Variants in RTTN observed in about 807,000 individuals in gnomAD.
The protein encoded by RTTN is rotatin.
A neutral mutation model predicts 269.2 loss-of-function variants in RTTN; 182 were observed. The ratio of observed to expected loss-of-function variants is 0.68; its 90% confidence interval spans 0.60 to 0.76. The LOEUF (loss-of-function observed/expected upper bound fraction) is 0.76, where lower values mean the gene tolerates loss of function less well. Among genes scored for constraint, RTTN ranks in the 30% least tolerant of loss-of-function variants. The pLI is 0.00. For synonymous variants in RTTN, 1,006 were observed against 963.5 expected (o/e 1.04, Z -0.82); for missense variants, 2,545 against 2,608.6 (o/e 0.98, Z 0.53).
At chr18:70,034,891 T>C (rs1425410499) in intron 40 of RTTN, among the ~76,000 whole-genome samples, 2 of 152,110 alleles carry the variant, frequency 1.3e-5, no homozygotes, top group Non-Finnish European at 2.9e-5. Flanking sequence ...AACATTCCTA[T>C]ATACCAACAA....
chr18:70,176,642 T>C, intron 11 of RTTN, 33 bp downstream of exon 11: 1 of 1,589,094 alleles, frequency 6.3e-7, no homozygotes, highest in East Asian at 2.3e-5. Flanking sequence ...TAATAGTCTG[T>C]AAAGTACAAA....
rs148903917 is a variant in RTTN, at chr18:70,088,036, C to T, written c.4255G>A (p.Val1419Met). ...NISGGLWGTVVNILLDQSECS... is the reference protein window; with the variant it reads ...NISGGLWGTVMNILLDQSECS... ...TCTGACTGGTCCAGAAGAATGTTCA[C>T]CACAGTTCCCCAGAGCCCACCGGAA... The change falls in exon 31 of 49, where the codon GTG (valine) becomes ATG (methionine). Residue 1419 changes from valine (V) to methionine (M), a missense_variant. Coordinates refer to ENST00000640769, the MANE Select transcript of RTTN (RefSeq NM_173630.4). 22 of 1,613,890 alleles carry T rather than the reference C, an allele frequency of 1.4e-5. No individual in the cohort carries two copies. The East Asian group carries it at 2.9e-4, about 21-fold the overall frequency.
intron 32 of RTTN, among the ~76,000 whole-genome samples, chr18:70,084,566 A>G (rs1271026950): frequency 6.6e-6 from 1 of 151,980 alleles, no homozygotes; most frequent in East Asian, 1.9e-4. Context: ...GATGACAGAT[A>G]TACTGAGTTA....
At chr18:70,092,071 A>G (rs1315465181) in intron 30 of RTTN, 39 bp downstream of exon 30, 2 of 1,380,984 alleles carry the variant, frequency 1.4e-6, no homozygotes. Flanking sequence ...TTTGTTTTTT[A>G]ATCTAAACAC....
chr18:70,042,414 C>T (rs528987808), intron 40 of RTTN, among the ~76,000 whole-genome samples: 3 of 116,434 alleles, frequency 2.6e-5, no homozygotes, highest in South Asian at 2.8e-4. Flanking sequence ...CTCGCTCTGT[C>T]GCCCAGGATA....
intron 25 of RTTN, 89 bp downstream of exon 25, chr18:70,127,413 C>T (rs1466736240): frequency 6.9e-7 from 1 of 1,450,550 alleles, no homozygotes; most frequent in Non-Finnish European, 9.4e-7. Flanking sequence ...GCAGTAAGGG[C>T]ATAGACTCTT....
At chr18:70,147,840 T>C (rs546056307) in intron 17 of RTTN, among the ~76,000 whole-genome samples, 19 of 152,190 alleles carry the variant, frequency 1.2e-4, no homozygotes, top group Non-Finnish European at 2.6e-4. Context: ...CCCTATTGTG[T>C]TAATTCTCCA....
rs1180345951 is a variant in RTTN, at chr18:70,201,957, T to C, written c.424A>G (p.Thr142Ala). The change falls in exon 4 of 49, where the codon ACA (threonine) becomes GCA (alanine). Residue 142 changes from threonine (T) to alanine (A), a missense_variant. Transcript: ENST00000640769. ...CTTTTGTCTTGGGGAAAATATCCTG[T>C]TAAGATTTCAGGGTTTTTTGACAAT... Reference protein sequence around the residue: ...TELSKNPEILTGYFPQDKSNF... With the variant: ...TELSKNPEILAGYFPQDKSNF... 4.3e-6 allele frequency: 7 copies of C among 1,610,214 alleles called. No individual in the cohort carries two copies. Among genetic ancestry groups the C allele is most frequent in the Non-Finnish European group, 5.1e-6 (6 of 1,176,656 alleles).
At chr18:70,174,393 T>C (rs1338372855) in intron 11 of RTTN, among the ~76,000 whole-genome samples, 2 of 152,052 alleles carry the variant, frequency 1.3e-5, no homozygotes, top group Non-Finnish European at 2.9e-5. Context: ...CATTCTTTAG[T>C]TAAAAACAAT....
At chr18:70,088,716 C>T (rs1051443475) in intron 30 of RTTN, among the ~76,000 whole-genome samples, 42 of 151,968 alleles carry the variant, frequency 2.8e-4, no homozygotes, top group African/African-American at 9.4e-4. Flanking sequence ...TTTCTGAATT[C>T]GAATCCAAAA....
intron 31 of RTTN, among the ~76,000 whole-genome samples, chr18:70,087,319 T>G (rs951340157): frequency 6.6e-6 from 1 of 152,178 alleles, no homozygotes. Context: ...CCATGATAAC[T>G]AGAAGTGATG....
chr18:70,023,760 C>T (rs1187038195), intron 44 of RTTN, among the ~76,000 whole-genome samples: 1 of 152,130 alleles, frequency 6.6e-6, no homozygotes, highest in Non-Finnish European at 1.5e-5. Flanking sequence ...CATTCATTCT[C>T]CACATACCAC....
chr18:70,145,491 T>G, intron 18 of RTTN, 121 bp downstream of exon 18: 1 of 688,524 alleles, frequency 1.5e-6, no homozygotes, highest in Non-Finnish European at 2.3e-6. Flanking sequence ...AAACCAGCCC[T>G]GAATCCCCAT....
rs755707371 is a variant in RTTN, at chr18:70,030,918, G to T, written c.5605C>A (p.Leu1869Met). 1 of 1,613,610 alleles carries T rather than the reference G, an allele frequency of 6.2e-7. No homozygotes were observed. The highest frequency in any genetic ancestry group is 1.3e-5 in the African/African-American group (1 of 74,922). Reference protein sequence around the residue: ...KRVAANALMSLLAVSRRAQKH... With the variant: ...KRVAANALMSMLAVSRRAQKH... ...TGTGCTCTTCTACTGACAGCCAGCA[G>T]TGACATCAATGCATTTGCAGCTACT... The change falls in exon 41 of 49, where the codon CTG becomes ATG. Residue 1869 changes from leucine (L) to methionine (M), a missense_variant. Physicochemically the swap from Leu to Met is conservative, Grantham distance 15. Coordinates refer to ENST00000640769, the MANE Select transcript of RTTN (RefSeq NM_173630.4).
In RTTN at chr18:70,205,276, C is replaced by T. The variant is rs374232490; in HGVS notation, c.71G>A (p.Ser24Asn). 9 of 1,614,108 alleles carry T rather than the reference C, an allele frequency of 5.6e-6. No individual in the cohort carries two copies. The highest frequency in any genetic ancestry group is 7.6e-6 in the Non-Finnish European group (9 of 1,180,050). ...LAEIRERALKSILCKIEHNLI... is the reference protein window; with the variant it reads ...LAEIRERALKNILCKIEHNLI... ...GTTGTGCTCAATCTTGCAGAGAATA[C>T]TCTTGAGAGCGCGCTCCCTGATCTC... Residue 24 changes from serine to asparagine, a missense_variant, in exon 2 of 49, where the codon AGT becomes AAT. Ser to Asn is a conservative substitution (Grantham distance 46). Coordinates refer to ENST00000640769, the MANE Select transcript of RTTN (RefSeq NM_173630.4).
At chr18:70,092,051 C>G in intron 30 of RTTN, 59 bp downstream of exon 30, 1 of 1,086,422 alleles carries the variant, frequency 9.2e-7, no homozygotes, top group Non-Finnish European at 1.4e-6. Context: ...CCGCACCTGG[C>G]CCCGTGTCAT....
chr18:70,110,082 T>A (rs1030369126), intron 27 of RTTN, among the ~76,000 whole-genome samples: 2 of 151,626 alleles, frequency 1.3e-5, no homozygotes, highest in African/African-American at 4.8e-5. Flanking sequence ...GTAAAAAAAA[T>A]TAGCCAGGTG....
At chr18:70,004,422 A>G (rs1452157633) in intron 48 of RTTN, among the ~76,000 whole-genome samples, 186 bp from the exon 49 acceptor site, 1 of 152,216 alleles carries the variant, frequency 6.6e-6, no homozygotes, top group African/African-American at 2.4e-5. Context: ...TACAAAATCA[A>G]TATTTTTTTA....
chr18:70,073,244 T>A lies in RTTN; in HGVS notation c.4653+662A>T, dbSNP rs1348549670. 3.9e-5 allele frequency among the ~76,000 whole-genome samples: 6 copies of A among 152,112 alleles called. No homozygotes were observed. The East Asian group carries it at 1.2e-3, about 29-fold the overall frequency. ...ATAACTGAAACCTAGTATCAATCAT[T>A]CCTTATAAATACTCAGTGTTTCAAA... On this transcript the variant is annotated intron_variant, in intron 34 of 48. Coordinates refer to ENST00000640769, the MANE Select transcript of RTTN (RefSeq NM_173630.4).
Sources: gnomAD v4.1 joint callset for allele counts (sites outside exome capture counted in the v4.1 genomes callset) on GRCh38, gnomAD v4.1.1 for gene constraint, MANE v1.5 for transcripts, NCBI Gene and HGNC (gene_info 2026-07-23, HGNC 2026-07-21) for gene names.